The following PABPC4L variants were observed in gnomAD, a reference collection of about 807,000 sequenced individuals.
PABPC4L encodes polyadenylate-binding protein 4-like.
For missense variants in PABPC4L, 452 were observed against 451.4 expected, an observed-to-expected ratio of 1.00 and a Z score of -0.01; for synonymous variants, 169 against 164.1, an observed-to-expected ratio of 1.03 and a Z score of -0.23.
At chr4:134,131,923 C>G in the PABPC4L span, among the ~76,000 whole-genome samples, 2 of 151,970 alleles carry the variant, frequency 1.3e-5, no homozygotes, top group African/African-American at 4.8e-5. Context: ...ATACCTACAG[C>G]TAACTCATCT....
At chr4:134,169,076 T>G in the PABPC4L span, among the ~76,000 whole-genome samples, 1 of 151,972 alleles carries the variant, frequency 6.6e-6, no homozygotes, top group Non-Finnish European at 1.5e-5. Context: ...CAAACTGAAT[T>G]CAACAACTAT....
chr4:134,141,789 A>G, the PABPC4L span, among the ~76,000 whole-genome samples: 4 of 151,684 alleles, frequency 2.6e-5, no homozygotes, highest in Admixed American at 2.0e-4. Flanking sequence ...AATCACATAG[A>G]GGCCATGTCA....
At chr4:133,985,614 A>G in the PABPC4L span, among the ~76,000 whole-genome samples, 1 of 152,058 alleles carries the variant, frequency 6.6e-6, no homozygotes, top group African/African-American at 2.4e-5. Context: ...AGAGACTTCT[A>G]TTGTTAATCT....
At chr4:133,959,587 G>T in the PABPC4L span, among the ~76,000 whole-genome samples, 1 of 152,186 alleles carries the variant, frequency 6.6e-6, no homozygotes, top group African/African-American at 2.4e-5. Flanking sequence ...AGATGGATTT[G>T]ATAGGTAGAT....
At chr4:134,090,553 C>A in the PABPC4L span, among the ~76,000 whole-genome samples, 5 of 151,886 alleles carry the variant, frequency 3.3e-5, no homozygotes, top group East Asian at 9.7e-4. Context: ...TGACTTGAGG[C>A]AAGGAGTTGG....
chr4:133,967,325 AC>A, the PABPC4L span, among the ~76,000 whole-genome samples: 1 of 152,120 alleles, frequency 6.6e-6, no homozygotes, highest in African/African-American at 2.4e-5. Context: ...AAACAAACAA[AC>A]AAACAAAAAA....
At chr4:134,176,780 C>T in the PABPC4L span, among the ~76,000 whole-genome samples, 1 of 152,032 alleles carries the variant, frequency 6.6e-6, no homozygotes, top group Non-Finnish European at 1.5e-5. Flanking sequence ...AGTAAGGGTG[C>T]CCAGGGTGAT....
chr4:134,169,847 T>G, the PABPC4L span, among the ~76,000 whole-genome samples: 5 of 152,154 alleles, frequency 3.3e-5, no homozygotes, highest in African/African-American at 1.2e-4. Flanking sequence ...TGTTTTGTTA[T>G]TATCTTATGC....
At chr4:133,991,414 C>T in the PABPC4L span, among the ~76,000 whole-genome samples, 2 of 152,174 alleles carry the variant, frequency 1.3e-5, no homozygotes, top group Non-Finnish European at 2.9e-5. Context: ...GCTTATGCTT[C>T]CAGTCACAGT....
the PABPC4L span, among the ~76,000 whole-genome samples, chr4:134,034,563 G>T: frequency 6.6e-6 from 1 of 151,966 alleles, no homozygotes; most frequent in African/African-American, 2.4e-5. Flanking sequence ...GATTCTTGGG[G>T]GAGGTAAAAC....
the PABPC4L span, among the ~76,000 whole-genome samples, chr4:133,978,461 G>T: frequency 6.6e-6 from 1 of 151,876 alleles, no homozygotes; most frequent in Non-Finnish European, 1.5e-5. Flanking sequence ...TAATAATAAC[G>T]ACAAAATAGC....
the PABPC4L span, among the ~76,000 whole-genome samples, chr4:134,120,490 C>T: frequency 2.7e-5 from 4 of 149,896 alleles, no homozygotes; most frequent in Admixed American, 2.7e-4. Flanking sequence ...TCTTGTATGT[C>T]CTTCCAAGAT....
chr4:134,067,084 T>G, the PABPC4L span, among the ~76,000 whole-genome samples: 3 of 152,080 alleles, frequency 2.0e-5, no homozygotes, highest in Admixed American at 6.6e-5. Flanking sequence ...CCTCCTTAAT[T>G]TTTTTGGAAT....
chr4:134,151,659 A>C, the PABPC4L span, among the ~76,000 whole-genome samples: 2 of 151,998 alleles, frequency 1.3e-5, no homozygotes, highest in Non-Finnish European at 2.9e-5. Flanking sequence ...TTTGCCAATT[A>C]TTTATTTTAT....
At chr4:134,050,452 C>T in the PABPC4L span, among the ~76,000 whole-genome samples, 28 of 152,120 alleles carry the variant, frequency 1.8e-4, no homozygotes, top group Non-Finnish European at 3.8e-4. Flanking sequence ...CGCCTGTAAT[C>T]CCAGCACTTT....
chr4:134,153,540 G>A, the PABPC4L span, among the ~76,000 whole-genome samples: 1 of 152,032 alleles, frequency 6.6e-6, no homozygotes, highest in African/African-American at 2.4e-5. Context: ...TTTATTTAAT[G>A]TGAATAAGGG....
the PABPC4L span, among the ~76,000 whole-genome samples, chr4:133,975,925 T>G: frequency 6.6e-6 from 1 of 152,196 alleles, no homozygotes; most frequent in African/African-American, 2.4e-5. Context: ...TCTCTCTTTC[T>G]GTCTCTCTCT....
At chr4:133,985,981 C>T in the PABPC4L span, among the ~76,000 whole-genome samples, 16 of 152,102 alleles carry the variant, frequency 1.1e-4, no homozygotes, top group South Asian at 4.1e-4. Flanking sequence ...GTCTGCAGAA[C>T]GTTACAGCAC....
chr4:134,065,611 CTTTAG>C, the PABPC4L span, among the ~76,000 whole-genome samples: 4 of 152,166 alleles, frequency 2.6e-5, 1 homozygote, highest in South Asian at 8.3e-4. Flanking sequence ...TGCAGAAGCT[CTTTAG>C]TTTAATGATT....
Sources: allele counts gnomAD v4.1 joint callset (sites outside exome capture counted in the v4.1 genomes callset), GRCh38; gene constraint gnomAD v4.1.1; transcripts MANE v1.5; gene names NCBI Gene and HGNC (gene_info 2026-07-23, HGNC 2026-07-21).